Variants in SLC25A21 observed in about 807,000 individuals in gnomAD.
SLC25A21 encodes mitochondrial 2-oxodicarboxylate carrier.
Under a neutral mutation model 43.8 loss-of-function variants are expected in SLC25A21, and 47 were observed. The observed-to-expected ratio is 1.07, with a 90% CI of 0.85 to 1.37. The LOEUF (loss-of-function observed/expected upper bound fraction) is 1.37, where lower values mean the gene tolerates loss of function less well. Among genes scored for constraint, SLC25A21 ranks in the 40% most tolerant of loss-of-function variants. SLC25A21 has a pLI of 0.00. For missense variants in SLC25A21, 352 were observed against 350.2 expected, an observed-to-expected ratio of 1.00 and a Z score of -0.04; for synonymous variants, 131 against 121.3, an observed-to-expected ratio of 1.08 and a Z score of -0.52.
At chr14:36,926,595 C>T (rs1892139711) in intron 1 of SLC25A21, among the ~76,000 whole-genome samples, 1 of 152,098 alleles carries the variant, frequency 6.6e-6, no homozygotes, top group Admixed American at 6.6e-5. Context: ...GAGGACAACA[C>T]TGGTGATGAA....
At chr14:37,022,076 T>C (rs1267692704) in intron 1 of SLC25A21, among the ~76,000 whole-genome samples, 1 of 151,802 alleles carries the variant, frequency 6.6e-6, no homozygotes, top group Non-Finnish European at 1.5e-5. Flanking sequence ...CCTACGAGGA[T>C]TCATATGCCT....
intron 1 of SLC25A21, among the ~76,000 whole-genome samples, chr14:36,935,728 A>ATT (rs2138642281): frequency 6.6e-6 from 1 of 152,288 alleles, no homozygotes; most frequent in East Asian, 1.9e-4. Context: ...GCATCTTTCA[A>ATT]GTACTATCGT....
chr14:36,825,375 C>T (rs1888792329), intron 2 of SLC25A21, among the ~76,000 whole-genome samples: 1 of 152,170 alleles, frequency 6.6e-6, no homozygotes, highest in Non-Finnish European at 1.5e-5. Flanking sequence ...TCATTATCAT[C>T]AAATTACATG....
intron 1 of SLC25A21, among the ~76,000 whole-genome samples, chr14:37,043,933 T>TTTTTTTG (rs1961529870): frequency 9.4e-6 from 1 of 106,286 alleles, no homozygotes; most frequent in Non-Finnish European, 1.7e-5. Context: ...TTGTTTTATG[T>TTTTTTTG]TTTTTTGTTT....
chr14:36,753,877 CAGGG>C (rs199782547), intron 3 of SLC25A21, among the ~76,000 whole-genome samples: 3,556 of 149,704 alleles, frequency 0.024, 144 homozygotes, highest in African/African-American at 0.082. Flanking sequence ...TCAGAACATT[CAGGG>C]TTTCCATACA....
chr14:37,015,403 G>A (rs1960830704), intron 1 of SLC25A21, among the ~76,000 whole-genome samples: 1 of 151,838 alleles, frequency 6.6e-6, no homozygotes, highest in Non-Finnish European at 1.5e-5. Flanking sequence ...AGTATTCCAT[G>A]GTGTATATAT....
At chr14:36,866,171 G>A (rs1167599857) in intron 2 of SLC25A21, among the ~76,000 whole-genome samples, 1 of 152,098 alleles carries the variant, frequency 6.6e-6, no homozygotes, top group African/African-American at 2.4e-5. Context: ...TAGAGATGGG[G>A]TGTTGCGATG....
chr14:36,787,983 T>C (rs1285112415), intron 3 of SLC25A21, among the ~76,000 whole-genome samples: 1 of 152,206 alleles, frequency 6.6e-6, no homozygotes, highest in African/African-American at 2.4e-5. Context: ...ATTTGTTTGA[T>C]GTGGACGCTA....
chr14:37,066,912 A>G (rs1228477852), intron 1 of SLC25A21, among the ~76,000 whole-genome samples: 1 of 152,170 alleles, frequency 6.6e-6, no homozygotes, highest in Non-Finnish European at 1.5e-5. Context: ...ATTTTCAGAT[A>G]AAAAGAAAAC....
At chr14:36,914,358 A>G (rs899366310) in intron 1 of SLC25A21, among the ~76,000 whole-genome samples, 3 of 152,334 alleles carry the variant, frequency 2.0e-5, no homozygotes, top group African/African-American at 7.2e-5. Context: ...AAACTCTGAC[A>G]GCTGAAATGC....
Position 37,145,476 on chromosome 14 carries a change from C to CACACACACAGAG in SLC25A21, c.70+26804_70+26805insCTCTGTGTGTGT, listed in dbSNP as rs780734735. Among the ~76,000 whole-genome samples, 1,207 of 143,660 alleles carry CACACACACAGAG rather than the reference C, an allele frequency of 8.4e-3. 7 individuals are homozygous for CACACACACAGAG. Among genetic ancestry groups the CACACACACAGAG allele is most frequent in the African/African-American group, 9.9e-3 (378 of 38,022 alleles). 94.2% of individuals were successfully genotyped at this position (143,660 alleles called of 152,430 possible). A position where few individuals can be genotyped will look rare whatever the true frequency, so the allele number is the denominator to read the frequency against. ...ACACACACACACACACACACACACACAGAGAGATGAGCTAAATAACTCTTT... is the reference window on the plus strand; with the variant it reads ...ACACACACACACACACACACACACACACACACACAGAGAGAGAGATGAGCTAAATAACTCTTT... On this transcript the variant is annotated intron_variant, in intron 1 of 9. Transcript: ENST00000331299.
chr14:36,811,257 A>T (rs1888253027), intron 3 of SLC25A21, among the ~76,000 whole-genome samples: 1 of 152,240 alleles, frequency 6.6e-6, no homozygotes, highest in Admixed American at 6.5e-5. Context: ...TATGATGCTG[A>T]TATAGCTACA....
intron 3 of SLC25A21, among the ~76,000 whole-genome samples, chr14:36,741,023 A>G (rs1594541862): frequency 6.6e-6 from 1 of 152,164 alleles, no homozygotes; most frequent in Non-Finnish European, 1.5e-5. Flanking sequence ...TAGACAGGGG[A>G]AGGCTTAACA....
chr14:36,697,591 C>T (rs1432035456), intron 7 of SLC25A21, among the ~76,000 whole-genome samples: 1 of 152,140 alleles, frequency 6.6e-6, no homozygotes, highest in African/African-American at 2.4e-5. Flanking sequence ...AATCTGGGTG[C>T]TCCTGTATTG....
intron 1 of SLC25A21, among the ~76,000 whole-genome samples, chr14:36,923,348 A>C (rs1158869213): frequency 6.6e-6 from 1 of 152,200 alleles, no homozygotes; most frequent in African/African-American, 2.4e-5. Flanking sequence ...ATATATTTTA[A>C]AAACAAGAGT....
chr14:37,051,489 C>T (rs898379629), intron 1 of SLC25A21, among the ~76,000 whole-genome samples: 3 of 152,174 alleles, frequency 2.0e-5, no homozygotes, highest in African/African-American at 4.8e-5. Context: ...CCAGACTGAA[C>T]TCCTAGGCTA....
At chr14:36,729,418 T>C in intron 5 of SLC25A21, 89 bp downstream of exon 5, 1 of 985,100 alleles carries the variant, frequency 1.0e-6, no homozygotes, top group Non-Finnish European at 1.5e-6. Context: ...TTTTAGTAGC[T>C]GGGCTTGGAA....
chr14:37,091,461 C>T (rs1394715081), intron 1 of SLC25A21, among the ~76,000 whole-genome samples: 1 of 151,566 alleles, frequency 6.6e-6, no homozygotes, highest in Non-Finnish European at 1.5e-5. Flanking sequence ...ATAGACAACA[C>T]TTCTGCACAA....
intron 1 of SLC25A21, among the ~76,000 whole-genome samples, chr14:36,883,477 G>A (rs1278458851): frequency 6.6e-6 from 1 of 152,150 alleles, no homozygotes; most frequent in Non-Finnish European, 1.5e-5. Flanking sequence ...TCTCTCTAGT[G>A]TGTACCAACT....
Sources: gnomAD v4.1 joint callset for allele counts (sites outside exome capture counted in the v4.1 genomes callset) on GRCh38, gnomAD v4.1.1 for gene constraint, MANE v1.5 for transcripts, NCBI Gene and HGNC (gene_info 2026-07-23, HGNC 2026-07-21) for gene names.